UBE2L3: variants seen among roughly 807,000 people sequenced by gnomAD.
UBE2L3 encodes the protein ubiquitin conjugating enzyme E2 L3.
A neutral mutation model predicts 17.8 loss-of-function variants in UBE2L3; 1 was observed. That is an observed-to-expected ratio of 0.06 (90% CI 0.02 to 0.27). The LOEUF (loss-of-function observed/expected upper bound fraction) is 0.27. Among genes scored for constraint, UBE2L3 ranks in the 10% least tolerant of loss-of-function variants. UBE2L3 has a pLI of 1.00. For missense variants in UBE2L3, 40 were observed against 192.6 expected (o/e 0.21, Z 4.69); for synonymous variants, 44 against 68.5 (o/e 0.64, Z 1.76).
intron 1 of UBE2L3, among the ~76,000 whole-genome samples, chr22:21,584,713 C>T (rs946728332): frequency 6.6e-6 from 1 of 150,564 alleles, no homozygotes; most frequent in Admixed American, 6.6e-5. Flanking sequence ...ATTACAGGAG[C>T]ACTTTGGGAG....
intron 3 of UBE2L3, among the ~76,000 whole-genome samples, chr22:21,616,535 C>G (rs1178370680): frequency 6.6e-6 from 1 of 151,830 alleles, no homozygotes; most frequent in Non-Finnish European, 1.5e-5. Context: ...ACCTGTAGTC[C>G]CAGCTACTCA....
At chr22:21,583,706 A>G (rs896871210) in intron 1 of UBE2L3, among the ~76,000 whole-genome samples, 10 of 152,328 alleles carry the variant, frequency 6.6e-5, no homozygotes, top group African/African-American at 2.4e-4. Context: ...CTATAATGAC[A>G]TGACGACTGC....
intron 2 of UBE2L3, among the ~76,000 whole-genome samples, chr22:21,601,897 G>A (rs548685949): frequency 1.0e-3 from 153 of 150,966 alleles, no homozygotes; most frequent in Middle Eastern, 6.8e-3. Context: ...GCGTGAACCC[G>A]GGAGGCGGAG....
rs924778186 is a variant in UBE2L3, at chr22:21,622,957, T to C, written c.*1288T>C. 6.6e-6 allele frequency: 1 copy of C among 152,636 alleles called. No individual in the cohort carries two copies. Among genetic ancestry groups the C allele is most frequent in the East Asian group, 1.9e-4 (1 of 5,328 alleles). 9.5% of individuals were successfully genotyped at this position (152,636 alleles called of 1,614,324 possible). ...TATCGTCAGATAAACTTGTAAAGATTTGAATATTAATGTCTTTTCAAGGCA... is the reference window on the plus strand; with the variant it reads ...TATCGTCAGATAAACTTGTAAAGATCTGAATATTAATGTCTTTTCAAGGCA... On this transcript the variant is annotated 3_prime_UTR_variant, in exon 4 of 4. Coordinates refer to ENST00000342192, the MANE Select transcript of UBE2L3 (RefSeq NM_003347.4).
intron 2 of UBE2L3, among the ~76,000 whole-genome samples, chr22:21,609,449 G>A (rs1929355998): frequency 6.6e-6 from 1 of 151,956 alleles, no homozygotes; most frequent in Non-Finnish European, 1.5e-5. Context: ...GCTCACACCT[G>A]TAATCCTAGT....
At chr22:21,598,233 T>C (rs1354413537) in intron 2 of UBE2L3, among the ~76,000 whole-genome samples, 1 of 111,392 alleles carries the variant, frequency 9.0e-6, no homozygotes, top group Non-Finnish European at 2.0e-5. Context: ...TCCTCTGTGC[T>C]TACTATTTAC....
intron 1 of UBE2L3, chr22:21,568,165 CCCGCGCCGCGGAA>C: frequency 2.0e-6 from 2 of 1,008,842 alleles, no homozygotes; most frequent in Non-Finnish European, 2.4e-6. Context: ...CTGCCCGGAG[CCCGCGCCGCGGAA>C]CCGCCCCGCC....
intron 1 of UBE2L3, among the ~76,000 whole-genome samples, chr22:21,589,464 TA>T (rs373867226): frequency 1.2e-3 from 184 of 152,288 alleles, no homozygotes; most frequent in Middle Eastern, 6.8e-3. Context: ...CATTTTGGGC[TA>T]AATAGTTTCT....
chr22:21,556,599 T>C (rs1926233995), intron 1 of UBE2L3, among the ~76,000 whole-genome samples: 1 of 151,924 alleles, frequency 6.6e-6, no homozygotes, highest in Non-Finnish European at 1.5e-5. Context: ...CCGGCTAATT[T>C]TTCTTTTCTT....
chr22:21,610,416 T>C (rs1320120548), intron 2 of UBE2L3, among the ~76,000 whole-genome samples: 1 of 152,204 alleles, frequency 6.6e-6, no homozygotes, highest in Non-Finnish European at 1.5e-5. Context: ...GTATGAGCCC[T>C]AACATAAACT....
At chr22:21,604,011 A>G (rs997965610) in intron 2 of UBE2L3, among the ~76,000 whole-genome samples, 2 of 149,044 alleles carry the variant, frequency 1.3e-5, no homozygotes, top group Non-Finnish European at 3.0e-5. Flanking sequence ...TCCTGGGCTT[A>G]AGCAATCCTC....
At chr22:21,556,326 T>C (rs1323504791) in intron 1 of UBE2L3, among the ~76,000 whole-genome samples, 1 of 152,106 alleles carries the variant, frequency 6.6e-6, no homozygotes, top group Non-Finnish European at 1.5e-5. Flanking sequence ...GCCCAAGAAT[T>C]CAAAGCTGCA....
upstream of UBE2L3, among the ~76,000 whole-genome samples, chr22:21,566,585 C>CA (rs58829886): frequency 0.23 from 30,895 of 134,590 alleles, 3,840 homozygotes; most frequent in East Asian, 0.42. Flanking sequence ...GACTCTGTCT[C>CA]AAAAAAAAAA....
chr22:21,558,200 T>C (rs940004499), intron 1 of UBE2L3, among the ~76,000 whole-genome samples: 2 of 151,512 alleles, frequency 1.3e-5, no homozygotes, highest in African/African-American at 2.4e-5. Context: ...GCCCCAAGCT[T>C]TGTGGAGCCT....
chr22:21,581,860 C>A (rs1281609105), intron 1 of UBE2L3, among the ~76,000 whole-genome samples: 8 of 151,826 alleles, frequency 5.3e-5, no homozygotes, highest in African/African-American at 1.4e-4. Flanking sequence ...GCCTATAATC[C>A]CACCACTTTG....
At chr22:21,608,979 C>T (rs1929327057) in intron 2 of UBE2L3, among the ~76,000 whole-genome samples, 1 of 151,974 alleles carries the variant, frequency 6.6e-6, no homozygotes, top group Admixed American at 6.5e-5. Context: ...ACTGCAAGCT[C>T]CGCTTCCCAG....
intron 1 of UBE2L3, among the ~76,000 whole-genome samples, chr22:21,570,200 C>G (rs1209825508): frequency 6.6e-6 from 1 of 152,132 alleles, no homozygotes; most frequent in East Asian, 1.9e-4. Flanking sequence ...GGATCTTGAC[C>G]TAATTCATCC....
chr22:21,608,087 A>G (rs1296471717), intron 2 of UBE2L3, among the ~76,000 whole-genome samples: 2 of 152,226 alleles, frequency 1.3e-5, no homozygotes, highest in African/African-American at 4.8e-5. Flanking sequence ...GAAAACAACA[A>G]TAAATAACAC....
At chr22:21,600,969 C>T (rs375675031) in intron 2 of UBE2L3, among the ~76,000 whole-genome samples, 20 of 151,148 alleles carry the variant, frequency 1.3e-4, no homozygotes, top group African/African-American at 2.2e-4. Flanking sequence ...CAGGATTTTG[C>T]GACCAGCCTG....
Sources: allele counts gnomAD v4.1 joint callset (sites outside exome capture counted in the v4.1 genomes callset), GRCh38; gene constraint gnomAD v4.1.1; transcripts MANE v1.5; gene names NCBI Gene and HGNC (gene_info 2026-07-23, HGNC 2026-07-21).